The following FHIT variants were observed in gnomAD, a reference collection of about 807,000 sequenced individuals.
FHIT encodes the protein fragile histidine triad diadenosine triphosphatase, also known as bis(5'-adenosyl)-triphosphatase.
Under a neutral mutation model 17.9 loss-of-function variants are expected in FHIT, and 19 were observed. That is an observed-to-expected ratio of 1.06 (90% CI 0.74 to 1.56). FHIT has a LOEUF of 1.56. Among genes scored for constraint, FHIT ranks in the 40% most tolerant of loss-of-function variants. The pLI, the probability that FHIT is intolerant of heterozygous loss-of-function variation, is 0.00. For missense variants in FHIT, 248 were observed against 189.2 expected, an observed-to-expected ratio of 1.31 and a Z score of -1.82; for synonymous variants, 81 against 69.7, an observed-to-expected ratio of 1.16 and a Z score of -0.81.
rs71629109 is a variant in FHIT at position 60,672,874 on chromosome 3, C to CGTGTGTGTGTGTGTGTGT, written c.-17-135913_-17-135896dup. Among the ~76,000 whole-genome samples, 380 of 139,554 alleles carry CGTGTGTGTGTGTGTGTGT rather than the reference C, an allele frequency of 2.7e-3. 2 individuals carry two copies. The highest frequency in any genetic ancestry group is 4.5e-3 in the Non-Finnish European group (293 of 64,838). 91.6% of individuals were successfully genotyped at this position (139,554 alleles called of 152,430 possible). ...GGTTTTTAATTATACCTCTTTGTAGCGTGTGTGTGTGTGTGTGTGTGTGTG... is the reference window on the plus strand; with the variant it reads ...GGTTTTTAATTATACCTCTTTGTAGCGTGTGTGTGTGTGTGTGTGTGTGTGTGTGTGTGTGTGTGTGTG... On this transcript the variant is annotated intron_variant, in intron 4 of 9. Transcript: ENST00000492590.
intron 5 of FHIT, among the ~76,000 whole-genome samples, chr3:60,060,741 CA>C (rs1702263980): frequency 6.6e-6 from 1 of 152,098 alleles, no homozygotes; most frequent in Non-Finnish European, 1.5e-5. Context: ...AGTGTGATAC[CA>C]AAATCAATGG....
intron 5 of FHIT, among the ~76,000 whole-genome samples, chr3:60,403,557 CATA>C (rs1392848359): frequency 6.6e-6 from 1 of 152,146 alleles, no homozygotes; most frequent in Non-Finnish European, 1.5e-5. Flanking sequence ...CACCTTCCTG[CATA>C]ATAACTGGCC....
intron 5 of FHIT, among the ~76,000 whole-genome samples, chr3:60,306,611 C>T (rs903186782): frequency 1.3e-5 from 2 of 152,122 alleles, no homozygotes; most frequent in Admixed American, 6.6e-5. Context: ...AACTGTTCAA[C>T]CCTTACTTGT....
intron 5 of FHIT, among the ~76,000 whole-genome samples, chr3:60,436,705 G>C (rs962938164): frequency 2.6e-5 from 4 of 152,102 alleles, no homozygotes; most frequent in African/African-American, 9.7e-5. Context: ...CCTTCATGGA[G>C]TCTATATTCT....
rs1389020937 is a variant in FHIT at position 60,860,803 on chromosome 3, A to AT, written c.-110-38793_-110-38792insA. ...TATCAGGTATATATGATACATATGT[A>AT]CATATATATCAGGTATATATGATAC... On this transcript the variant is annotated intron_variant, in intron 3 of 9. Coordinates refer to ENST00000492590, the MANE Select transcript of FHIT (RefSeq NM_002012.4). Among the ~76,000 whole-genome samples the AT allele has an allele frequency of 1.4e-3, 5 of 3,604 alleles. 2 individuals carry two copies. The highest frequency in any genetic ancestry group is 2.2e-3 in the African/African-American group (5 of 2,276). 2.4% of individuals were successfully genotyped at this position (3,604 alleles called of 152,430 possible). A position where few individuals can be genotyped will look rare whatever the true frequency, so the allele number is the denominator to read the frequency against.
At position 60,860,817 on chromosome 3, in the gene FHIT, T is replaced by C. The variant is rs1349121210; in HGVS notation, c.-110-38806A>G. Among the ~76,000 whole-genome samples, 29 of 3,820 alleles carry C rather than the reference T, an allele frequency of 7.6e-3. 9 individuals are homozygous for C. Among genetic ancestry groups the C allele is most frequent in the East Asian group, 0.12 (1 of 8 alleles). 2.5% of individuals were successfully genotyped at this position (3,820 alleles called of 152,430 possible). On this transcript the variant is annotated intron_variant, in intron 3 of 9. Transcript: ENST00000492590. The stretch of plus-strand genomic sequence containing the variant: ...GATACATATGTACATATATATCAGG[T>C]ATATATGATACATATGTACATATAT...
intron 4 of FHIT, among the ~76,000 whole-genome samples, chr3:60,574,145 C>T (rs1366547974): frequency 2.0e-5 from 3 of 152,026 alleles, no homozygotes; most frequent in Non-Finnish European, 4.4e-5. Context: ...GTTCTACTTT[C>T]CGATTTAAAC....
At chr3:60,891,977 A>G (rs1174734512) in intron 3 of FHIT, among the ~76,000 whole-genome samples, 1 of 152,210 alleles carries the variant, frequency 6.6e-6, no homozygotes, top group African/African-American at 2.4e-5. Context: ...ATGAAATGCG[A>G]GGTTTCTGTT....
intron 2 of FHIT, among the ~76,000 whole-genome samples, chr3:61,121,800 T>C (rs148840327): frequency 6.6e-6 from 1 of 151,974 alleles, no homozygotes; most frequent in African/African-American, 2.4e-5. Flanking sequence ...GACTGGCAAA[T>C]TGGAAAAACA....
chr3:60,032,286 C>T (rs1333690915), intron 5 of FHIT, among the ~76,000 whole-genome samples: 1 of 151,440 alleles, frequency 6.6e-6, no homozygotes, highest in Non-Finnish European at 1.5e-5. Context: ...GTAGTGAGAC[C>T]CCATATCTAA....
At chr3:60,166,155 G>A (rs941276691) in intron 5 of FHIT, among the ~76,000 whole-genome samples, 1 of 151,184 alleles carries the variant, frequency 6.6e-6, no homozygotes, top group African/African-American at 2.4e-5. Flanking sequence ...TGTTTCTACT[G>A]TAAGGACTGT....
At chr3:61,137,836 C>A (rs1230141598) in intron 2 of FHIT, among the ~76,000 whole-genome samples, 1 of 152,214 alleles carries the variant, frequency 6.6e-6, no homozygotes, top group African/African-American at 2.4e-5. Flanking sequence ...CAGTCTTACT[C>A]TCTCCCCATA....
chr3:59,787,481 AACACAC>A (rs58100812), intron 8 of FHIT, among the ~76,000 whole-genome samples: 9,791 of 142,400 alleles, frequency 0.069, 610 homozygotes, highest in African/African-American at 0.16. Context: ...CAAGGGGCAA[AACACAC>A]ACACACACAC....
intron 2 of FHIT, chr3:61,167,131 G>T (rs1051450279): frequency 1.3e-5 from 2 of 152,100 alleles, no homozygotes; most frequent in Non-Finnish European, 2.9e-5. Flanking sequence ...GACAGAATGG[G>T]TGATTTAGAA....
At chr3:60,388,178 A>C (rs1701084453) in intron 5 of FHIT, among the ~76,000 whole-genome samples, 1 of 152,232 alleles carries the variant, frequency 6.6e-6, no homozygotes, top group Non-Finnish European at 1.5e-5. Flanking sequence ...AAATGGACTA[A>C]GACAATTTCT....
chr3:60,396,424 C>A (rs553455578), intron 5 of FHIT, among the ~76,000 whole-genome samples: 1 of 151,982 alleles, frequency 6.6e-6, no homozygotes, highest in Non-Finnish European at 1.5e-5. Context: ...AATGAGACAG[C>A]GATGAAAAAC....
chr3:60,561,968 G>A (rs547471058), intron 4 of FHIT, among the ~76,000 whole-genome samples: 1 of 152,016 alleles, frequency 6.6e-6, no homozygotes, highest in African/African-American at 2.4e-5. Context: ...GAGAGAGAAA[G>A]ATAATTCTGA....
At chr3:60,313,064 T>C (rs114377447) in intron 5 of FHIT, among the ~76,000 whole-genome samples, 1,867 of 152,304 alleles carry the variant, frequency 0.012, 39 homozygotes, top group African/African-American at 0.042. Flanking sequence ...TCCAAGGTCA[T>C]CTTGCTTGAG....
intron 3 of FHIT, among the ~76,000 whole-genome samples, chr3:60,975,993 C>T (rs752019331): frequency 6.6e-6 from 1 of 151,656 alleles, no homozygotes; most frequent in East Asian, 1.9e-4. Context: ...ATTCTTAGAC[C>T]GTTTATTAAC....
Sources: allele counts gnomAD v4.1 joint callset (sites outside exome capture counted in the v4.1 genomes callset), GRCh38; gene constraint gnomAD v4.1.1; transcripts MANE v1.5; gene names NCBI Gene and HGNC (gene_info 2026-07-23, HGNC 2026-07-21).